The following MYH3 variants were observed in gnomAD, a reference collection of about 807,000 sequenced individuals.
The protein encoded by MYH3 is myosin heavy chain 3.
Under a neutral mutation model 238.0 loss-of-function variants are expected in MYH3, and 130 were observed. The observed-to-expected ratio is 0.55, with a 90% CI of 0.47 to 0.63. The LOEUF is 0.63. MYH3 is among the 30% of genes least tolerant of loss of function. The pLI is 0.00. For missense variants in MYH3, 1,853 were observed against 2,374.9 expected (o/e 0.78, Z 4.57); for synonymous variants, 880 against 924.1 (o/e 0.95, Z 0.86).
At chr17:10,672,970 C>G in the MYH3 span, 7 of 151,536 alleles carry the variant, frequency 4.6e-5, no homozygotes, top group Non-Finnish European at 8.8e-5. Context: ...ACTTTGGGGC[C>G]TCATGTCTAA....
At chr17:10,636,262 A>G (rs1381885149) in intron 28 of MYH3, among the ~76,000 whole-genome samples, 1 of 139,174 alleles carries the variant, frequency 7.2e-6, no homozygotes, top group African/African-American at 2.6e-5. Flanking sequence ...TGGAGGTTGC[A>G]GTGAGCCAAG....
At position 10,654,155 on chromosome 17, in the gene MYH3, TTC is replaced by T. The variant is rs2074405341; in HGVS notation, c.204+704_204+705del. ...TTTTATTTTCTTTCTTTCTTTCTCT[TTC>T]TTTCTTTCCTTCCTTCCTTGCTTTC... is the stretch of plus-strand genomic sequence containing the variant. On this transcript the variant is annotated intron_variant, in intron 3 of 40. Transcript: ENST00000583535. This position sits in a 1 kb window ranked among gnomAD's most constrained non-coding sequence, Gnocchi z 4.5. 1.4e-5 allele frequency among the ~76,000 whole-genome samples: 1 copy of T among 72,516 alleles called. No individual in the cohort carries two copies. Among genetic ancestry groups the T allele is most frequent in the African/African-American group, 3.9e-5 (1 of 25,438 alleles). 47.6% of individuals were successfully genotyped at this position (72,516 alleles called of 152,430 possible).
upstream of MYH3, among the ~76,000 whole-genome samples, chr17:10,660,676 C>CA (rs1399161154): frequency 3.4e-4 from 23 of 67,926 alleles, no homozygotes; most frequent in African/African-American, 2.5e-3. Context: ...GACTCTGACT[C>CA]GGAAAAAAAA....
In MYH3 at chr17:10,640,230, C is replaced by G; in HGVS notation, c.2448G>C (p.Gln816His). The G allele has an allele frequency of 6.2e-7, 1 of 1,614,208 alleles. No individual in the cohort carries two copies. Among genetic ancestry groups the G allele is most frequent in the Non-Finnish European group, 8.5e-7 (1 of 1,180,042 alleles). ...VQRRESIFCI[Q>H]YNIRSFMNVK... ...CGTTCATGAATGAGCGAATGTTGTA[C>G]TGGATGCAGAAGATGGACTCCCTAA... Residue 816 changes from glutamine to histidine, a missense_variant, in exon 22 of 41, where the codon CAG (glutamine) becomes CAC (histidine). Gln to His is a conservative substitution (Grantham distance 24). This residue lies in a region of MYH3 where 678 missense variants were observed against 1,058.9 expected (regional missense o/e 0.64). Transcript: ENST00000583535.
chr17:10,656,554 A>T (rs2074433285), intron 1 of MYH3, among the ~76,000 whole-genome samples: 1 of 149,372 alleles, frequency 6.7e-6, no homozygotes, highest in Admixed American at 6.6e-5. Flanking sequence ...AAAAAAAAAA[A>T]AAAAAAAGAC....
In MYH3 at chr17:10,641,107, G is replaced by C. The variant is rs1350247420; in HGVS notation, c.2143C>G (p.Leu715Val). ...ICRKGFPNRI[L>V]YGDFKQRYRV... ...CACCTTTGTTTAAAATCGCCATAGA[G>C]AATCCTGTTTGGGAACCCTTTCCTG... Residue 715 changes from leucine to valine, a missense_variant, in exon 19 of 41, where the codon CTC becomes GTC. By Grantham distance (32) the Leu-to-Val change is conservative. Around this residue, in one of 3 missense-constraint regions of MYH3, gnomAD observed 678 missense variants for 1,058.9 expected, o/e 0.64. Transcript: ENST00000583535. 6.2e-7 allele frequency: 1 copy of C among 1,611,068 alleles called. No individual in the cohort carries two copies. Among genetic ancestry groups the C allele is most frequent in the African/African-American group, 1.3e-5 (1 of 74,974 alleles).
Position 10,632,804 on chromosome 17 carries a change from A to G in MYH3, c.4648-20T>C, listed in dbSNP as rs781652462. Reference sequence around the variant, plus strand: ...AGCAGCCTTTAAGAAACAAAAGCAAATCAAATAGTGTCTGTGATGGTATGG... The same window carrying G: ...AGCAGCCTTTAAGAAACAAAAGCAAGTCAAATAGTGTCTGTGATGGTATGG... On this transcript the variant is annotated intron_variant, in intron 33 of 40. Coordinates refer to ENST00000583535, the MANE Select transcript of MYH3 (RefSeq NM_002470.4). The G allele has an allele frequency of 5.6e-6, 9 of 1,613,614 alleles. No individual in the cohort carries two copies. Among genetic ancestry groups the G allele is most frequent in the Middle Eastern group, 1.6e-4 (1 of 6,084 alleles).
chr17:10,654,779 TG>T lies in MYH3; in HGVS notation c.204+81del. On this transcript the variant is annotated intron_variant, in intron 3 of 40. Coordinates refer to ENST00000583535, the MANE Select transcript of MYH3 (RefSeq NM_002470.4). This position sits in a 1 kb window ranked among gnomAD's most constrained non-coding sequence, Gnocchi z 4.5. ...TGCTGGAACCACATCTGGAAGTGGC[TG>T]GGGTTGGGCAGATGCATACCCCAGG... The T allele has an allele frequency of 7.7e-7, 1 of 1,297,804 alleles. No homozygotes were observed. Among genetic ancestry groups the T allele is most frequent in the Non-Finnish European group, 1.1e-6 (1 of 891,456 alleles). 80.4% of individuals were successfully genotyped at this position (1,297,804 alleles called of 1,614,324 possible). A position where few individuals can be genotyped will look rare whatever the true frequency, so the allele number is the denominator to read the frequency against.
intron 1 of MYH3, 24 bp downstream of exon 1, chr17:10,657,265 C>A: frequency 6.6e-6 from 1 of 152,436 alleles, no homozygotes; most frequent in Non-Finnish European, 1.5e-5. Flanking sequence ...CAGCTGAGAC[C>A]TAGAAGAGGA....
In MYH3 at chr17:10,631,533, G is replaced by A. The variant is rs73976870; in HGVS notation, c.5286+78C>T. 6,014 of 1,602,232 alleles carry A rather than the reference G, an allele frequency of 3.8e-3. 167 individuals carry two copies. The African/African-American group carries it at 0.067, about 18-fold the overall frequency. ...GCACCAGGTGTGGCTGGGGGAGACC[G>A]CACCTGTCTAACTATGTGAGGGCTT... On this transcript the variant is annotated intron_variant, in intron 36 of 40. Transcript: ENST00000583535.
chr17:10,653,551 T>A (rs891937969), intron 3 of MYH3, among the ~76,000 whole-genome samples: 6 of 152,098 alleles, frequency 3.9e-5, no homozygotes, highest in Admixed American at 6.6e-5. Flanking sequence ...AGAGCAGTGG[T>A]TCTGAGCACC....
the MYH3 span, among the ~76,000 whole-genome samples, chr17:10,668,390 T>C: frequency 1.3e-5 from 2 of 152,146 alleles, no homozygotes; most frequent in African/African-American, 4.8e-5. Flanking sequence ...GGGAGACTCT[T>C]CTATCTATCT....
rs1296140474 is a variant in MYH3 at position 10,644,773 on chromosome 17, AG to A, written c.1142-72del. On this transcript the variant is annotated intron_variant, in intron 12 of 40. Coordinates refer to ENST00000583535, the MANE Select transcript of MYH3 (RefSeq NM_002470.4). ...TTTGAAAATCATCCAGAAGTTTCAA[AG>A]GTTGGTTAAGTTCATCTTGGTACAT... is the stretch of plus-strand genomic sequence containing the variant. 2.4e-6 allele frequency: 3 copies of A among 1,270,954 alleles called. No homozygotes were observed. In the East Asian group the frequency reaches 7.0e-5, roughly 30 times the overall value. 78.7% of individuals were successfully genotyped at this position (1,270,954 alleles called of 1,614,324 possible).
At chr17:10,658,074 C>T (rs1334632254), upstream of MYH3, among the ~76,000 whole-genome samples, 7 of 152,052 alleles carry the variant, frequency 4.6e-5, no homozygotes, top group African/African-American at 1.7e-4. Flanking sequence ...GACAGATTAC[C>T]AATTAGGAAA....
the MYH3 span, among the ~76,000 whole-genome samples, chr17:10,670,955 T>C: frequency 6.6e-6 from 1 of 152,282 alleles, no homozygotes; most frequent in African/African-American, 2.4e-5. The surrounding 1 kb of genome is among the most constrained non-coding windows in gnomAD (Gnocchi z 7.0). Flanking sequence ...AGTGGCGCGA[T>C]CTTGGCTCAC....
At chr17:10,650,246 G>T in intron 6 of MYH3, 128 bp downstream of exon 6, 1 of 870,650 alleles carries the variant, frequency 1.1e-6, no homozygotes, top group Non-Finnish European at 1.9e-6. Context: ...AAAGTGCTGG[G>T]ATTACAGGTG....
chr17:10,630,405 A>T lies in MYH3; in HGVS notation c.5340T>A (p.Leu1780=). 1 of 1,614,034 alleles carries T rather than the reference A, an allele frequency of 6.2e-7. No homozygotes were observed. The highest frequency in any genetic ancestry group is 8.5e-7 in the Non-Finnish European group (1 of 1,180,004). The part of the protein sequence containing the change: ...LKKEQDTSAH[L]ERMKKNLEQT... ...GTTCCAGGTTCTTCTTCATCCGCTC[A>T]AGGTGGGCGCTGGTGTCCTGCTCCT... The change falls in exon 37 of 41, where the codon CTT becomes CTA. Residue 1780 remains leucine (L), a synonymous_variant. Transcript: ENST00000583535.
chr17:10,638,894 C>T lies in MYH3; in HGVS notation c.3318G>A (p.Gln1106=), dbSNP rs201534524. The part of the protein sequence containing the change: ...EDEQTLGLQF[Q]KKIKELQARI... ...CTACCTGCAACTCTTTGATTTTCTTCTGAAACTGGAGGCCCAGTGTCTGCT... is the reference window on the plus strand; with the variant it reads ...CTACCTGCAACTCTTTGATTTTCTTTTGAAACTGGAGGCCCAGTGTCTGCT... Residue 1106 remains glutamine, a synonymous_variant, in exon 26 of 41, where the codon CAG becomes CAA. Coordinates refer to ENST00000583535, the MANE Select transcript of MYH3 (RefSeq NM_002470.4). 10 of 1,614,124 alleles carry T rather than the reference C, an allele frequency of 6.2e-6. No homozygotes were observed. The East Asian group carries it at 2.2e-4, about 36-fold the overall frequency.
upstream of MYH3, among the ~76,000 whole-genome samples, chr17:10,662,141 C>T (rs1367333469): frequency 1.3e-5 from 2 of 152,018 alleles, no homozygotes; most frequent in East Asian, 3.9e-4. Context: ...TGTGCCTCAG[C>T]CTCCCAAGTA....
Sources: allele counts gnomAD v4.1 joint callset (sites outside exome capture counted in the v4.1 genomes callset), GRCh38; gene constraint gnomAD v4.1.1; regional missense constraint gnomAD v4.1.1; non-coding constraint Gnocchi (gnomAD v3.1); transcripts MANE v1.5; gene names NCBI Gene and HGNC (gene_info 2026-07-23, HGNC 2026-07-21).